ABCA13: variants seen among roughly 807,000 people sequenced by gnomAD.
ABCA13 encodes the protein ATP-binding cassette sub-family A member 13.
A neutral mutation model predicts 478.7 loss-of-function variants in ABCA13; 476 were observed. The ratio of observed to expected loss-of-function variants is 0.99; its 90% CI spans 0.92 to 1.07. The LOEUF is 1.07. ABCA13 is among the 50% of genes least tolerant of loss of function. The pLI, the probability that ABCA13 is intolerant of heterozygous loss-of-function variation, is 0.00. For synonymous variants in ABCA13, 2,252 were observed against 2,158.9 expected, an observed-to-expected ratio of 1.04 and a Z score of -1.20; for missense variants, 6,060 against 5,910.6, an observed-to-expected ratio of 1.03 and a Z score of -0.83.
In ABCA13 at chr7:48,614,801, C is replaced by T. The variant is rs1005429819; in HGVS notation, c.14745-484C>T. Among the ~76,000 whole-genome samples the T allele has an allele frequency of 1.4e-4, 21 of 145,040 alleles. 2 individuals are homozygous for T. The highest frequency in any genetic ancestry group is 1.1e-3 in the South Asian group (5 of 4,528). On this transcript the variant is annotated intron_variant, in intron 58 of 61. Transcript: ENST00000435803. ...ATCGCAAGAACAAAAAACCAAACAC[C>T]GCATGTTCTCACTCATAGGTGGGAA...
At chr7:48,416,695 C>A (rs947800240) in intron 41 of ABCA13, among the ~76,000 whole-genome samples, 2 of 152,114 alleles carry the variant, frequency 1.3e-5, no homozygotes, top group African/African-American at 4.8e-5. Context: ...TCCCAGAGGA[C>A]AAGGCTGGAG....
At chr7:48,304,354 C>G (rs1800587814) in intron 23 of ABCA13, among the ~76,000 whole-genome samples, 1 of 152,198 alleles carries the variant, frequency 6.6e-6, no homozygotes, top group South Asian at 2.1e-4. Context: ...GAACTACAGC[C>G]AGGCTGAATG....
chr7:48,330,744 T>G (rs1216290854), intron 27 of ABCA13, among the ~76,000 whole-genome samples: 1 of 146,776 alleles, frequency 6.8e-6, no homozygotes, highest in Non-Finnish European at 1.5e-5. Context: ...GACACATCCA[T>G]CCATCCATCC....
chr7:48,634,876 C>A (rs1794499130), intron 59 of ABCA13, among the ~76,000 whole-genome samples: 1 of 152,130 alleles, frequency 6.6e-6, no homozygotes, highest in Non-Finnish European at 1.5e-5. Flanking sequence ...CTTGGGATTG[C>A]TTCTGCCTCG....
intron 5 of ABCA13, among the ~76,000 whole-genome samples, chr7:48,225,131 GCCTGCCTTCCTTCCTTCCTTCCTT>G (rs1313277346): frequency 7.5e-5 from 8 of 106,664 alleles, no homozygotes; most frequent in African/African-American, 1.7e-4. Context: ...CTGCCTGCCT[GCCTGCCTTCCTTCCTTCCTTCCTT>G]CCTTCCTTCC....
chr7:48,519,958 A>G, intron 52 of ABCA13, 83 bp from the exon 53 acceptor site: 3 of 1,375,192 alleles, frequency 2.2e-6, no homozygotes, highest in Non-Finnish European at 2.9e-6. Context: ...GAGCTAACCA[A>G]GGAGAAAAAG....
chr7:48,333,365 T>G (rs1306914257), intron 27 of ABCA13, among the ~76,000 whole-genome samples: 1 of 152,252 alleles, frequency 6.6e-6, no homozygotes, highest in East Asian at 1.9e-4. Context: ...AATTTGTAAT[T>G]GCTTGTTGAA....
chr7:48,274,585 A>C lies in ABCA13; in HGVS notation c.4919A>C (p.Asn1640Thr). 1 of 1,613,858 alleles carries C rather than the reference A, an allele frequency of 6.2e-7. No homozygotes were observed. Among genetic ancestry groups the C allele is most frequent in the Non-Finnish European group, 8.5e-7 (1 of 1,179,824 alleles). ...LGIQLIRDVF[N>T]SLMPVVHHTS... ...ATTCAACTGATAAGGGATGTGTTCA[A>C]CTCCTTAATGCCTGTAGTTCATCAC... Residue 1640 changes from asparagine (N) to threonine (T), a missense_variant, in exon 17 of 62, where the codon AAC becomes ACC. This residue lies in a region of ABCA13 where 4,423 missense variants were observed against 4,309.1 expected (regional missense o/e 1.03). Transcript: ENST00000435803.
chr7:48,427,002 G>A (rs1165941741), intron 41 of ABCA13, among the ~76,000 whole-genome samples: 1 of 152,160 alleles, frequency 6.6e-6, no homozygotes, highest in Non-Finnish European at 1.5e-5. Flanking sequence ...CTGCTGCAGG[G>A]CGATGTCTCC....
intron 59 of ABCA13, among the ~76,000 whole-genome samples, chr7:48,628,873 C>G (rs1462976560): frequency 6.6e-6 from 1 of 152,200 alleles, no homozygotes; most frequent in Admixed American, 6.5e-5. Flanking sequence ...AATGCTGCAA[C>G]TAGACTGTAA....
intron 44 of ABCA13, among the ~76,000 whole-genome samples, chr7:48,470,075 T>C (rs1451747927): frequency 6.6e-6 from 1 of 152,180 alleles, no homozygotes. Flanking sequence ...TTTAGGGAAA[T>C]GCTTTGCTAA....
chr7:48,441,696 T>C (rs1823615836), intron 42 of ABCA13, among the ~76,000 whole-genome samples: 1 of 152,132 alleles, frequency 6.6e-6, no homozygotes, highest in African/African-American at 2.4e-5. Context: ...GACACTATGA[T>C]AGGCACTTTA....
chr7:48,614,178 T>G (rs1792313530), intron 58 of ABCA13, among the ~76,000 whole-genome samples: 1 of 151,000 alleles, frequency 6.6e-6, no homozygotes, highest in Non-Finnish European at 1.5e-5. Context: ...CTCCTTCCAT[T>G]GATTCAATAT....
Position 48,358,414 on chromosome 7 carries a change from G to A in ABCA13, c.10688+5927G>A, listed in dbSNP as rs1018443130. ...ACCAGTGTATGTTTAGTGCCTAAGG[G>A]CCAGTGGTGACAATTGTTGTGTGAT... On this transcript the variant is annotated intron_variant, in intron 31 of 61. Coordinates refer to ENST00000435803, the MANE Select transcript of ABCA13 (RefSeq NM_152701.5). Among the ~76,000 whole-genome samples, 4 of 151,756 alleles carry A rather than the reference G, an allele frequency of 2.6e-5. No individual in the cohort carries two copies. In the South Asian group the frequency reaches 8.3e-4, roughly 31 times the overall value.
At chr7:48,306,849 G>C (rs1291373257) in intron 23 of ABCA13, among the ~76,000 whole-genome samples, 1 of 152,204 alleles carries the variant, frequency 6.6e-6, no homozygotes, top group African/African-American at 2.4e-5. Context: ...CCCTATGCGG[G>C]TATTTTTTAG....
intron 38 of ABCA13, among the ~76,000 whole-genome samples, chr7:48,398,942 A>G (rs1817225141): frequency 6.6e-6 from 1 of 152,178 alleles, no homozygotes; most frequent in South Asian, 2.1e-4. Context: ...ACTAATGGTG[A>G]GGGTGTGATC....
chr7:48,570,487 G>T (rs1344997243), intron 55 of ABCA13, among the ~76,000 whole-genome samples: 4 of 151,722 alleles, frequency 2.6e-5, no homozygotes, highest in Non-Finnish European at 4.4e-5. Flanking sequence ...ACCACGCCTG[G>T]CCAATTTTTT....
At chr7:48,442,896 G>C (rs530997995) in intron 42 of ABCA13, among the ~76,000 whole-genome samples, 56 of 152,176 alleles carry the variant, frequency 3.7e-4, no homozygotes, top group Non-Finnish European at 4.1e-4. Flanking sequence ...CTAGCTGTGC[G>C]CTGGTGGTAC....
At chr7:48,304,575 G>A (rs1286522876) in intron 23 of ABCA13, among the ~76,000 whole-genome samples, 1 of 152,014 alleles carries the variant, frequency 6.6e-6, no homozygotes, top group African/African-American at 2.4e-5. Context: ...AATGATCAGC[G>A]ATGGAACAAT....
Sources: allele counts gnomAD v4.1 joint callset (sites outside exome capture counted in the v4.1 genomes callset), GRCh38; gene constraint gnomAD v4.1.1; regional missense constraint gnomAD v4.1.1; transcripts MANE v1.5; gene names NCBI Gene and HGNC (gene_info 2026-07-23, HGNC 2026-07-21).